Variants in C6orf136 observed in about 807,000 individuals in gnomAD.
C6orf136 encodes the protein uncharacterized protein C6orf136.
A neutral mutation model predicts 44.0 loss-of-function variants in C6orf136; 29 were observed. That is an observed-to-expected ratio of 0.66 (90% confidence interval 0.49 to 0.90). The LOEUF (loss-of-function observed/expected upper bound fraction) is 0.90, where lower values mean the gene tolerates loss of function less well. C6orf136 is among the 40% of genes least tolerant of loss of function. The pLI, the probability that C6orf136 is intolerant of heterozygous loss-of-function variation, is 0.00. For synonymous variants in C6orf136, 293 were observed against 278.6 expected (o/e 1.05, Z -0.52); for missense variants, 628 against 669.3 (o/e 0.94, Z 0.68).
chr6:30,648,416 T>G (rs1371058240), intron 1 of C6orf136, among the ~76,000 whole-genome samples: 2 of 149,978 alleles, frequency 1.3e-5, no homozygotes, highest in Non-Finnish European at 3.0e-5. Context: ...TTTTTTTTTT[T>G]GAAATGGAGT....
rs770814110 is a variant in C6orf136, at chr6:30,649,764, G to A, written c.822G>A (p.Glu274=). Residue 274 remains glutamate (E), a synonymous_variant, in exon 2 of 6, where the codon GAG becomes GAA. Coordinates refer to ENST00000651131, the MANE Select transcript of C6orf136 (RefSeq NM_001161376.2). ...WVVLPPGKGE[E]GPGPELHSGC... Reference sequence around the variant, plus strand: ...TTCTCCCTCCAGGAAAGGGGGAGGAGGGACCAGGACCTGAGTTGCATAGCG... The same window carrying A: ...TTCTCCCTCCAGGAAAGGGGGAGGAAGGACCAGGACCTGAGTTGCATAGCG... 5.0e-6 allele frequency: 8 copies of A among 1,613,914 alleles called. No individual in the cohort carries two copies. Among genetic ancestry groups the A allele is most frequent in the Non-Finnish European group, 5.9e-6 (7 of 1,179,998 alleles).
Position 30,649,800 on chromosome 6 carries a change from T to C in C6orf136, c.858T>C (p.Asp286=), listed in dbSNP as rs774535823. 6.2e-7 allele frequency: 1 copy of C among 1,614,136 alleles called. No homozygotes were observed. Among genetic ancestry groups the C allele is most frequent in the South Asian group, 1.1e-5 (1 of 91,080 alleles). The change falls in exon 2 of 6, where the codon GAT becomes GAC. Residue 286 remains aspartate (D), a synonymous_variant. Transcript: ENST00000651131. ...PGPELHSGCL[D]GLRSLFEGPP... Reference sequence around the variant, plus strand: ...CTGAGTTGCATAGCGGCTGCCTGGATGGGCTTAGAAGCCTTTTTGAGGGAC... The same window carrying C: ...CTGAGTTGCATAGCGGCTGCCTGGACGGGCTTAGAAGCCTTTTTGAGGGAC...
rs1766924678 is a variant in C6orf136 at position 30,647,334 on chromosome 6, G to C, written c.103G>C (p.Gly35Arg). The C allele has an allele frequency of 6.3e-7, 1 of 1,575,480 alleles. No individual in the cohort carries two copies. Among genetic ancestry groups the C allele is most frequent in the African/African-American group, 1.4e-5 (1 of 72,180 alleles). The change falls in exon 1 of 6, where the codon GGG becomes CGG. Residue 35 changes from glycine (G) to arginine (R), a missense_variant. Physicochemically the swap from Gly to Arg is moderately radical, Grantham distance 125 (BLOSUM62 -2). Transcript: ENST00000651131. This position sits in a 1 kb window ranked among gnomAD's most constrained non-coding sequence, Gnocchi z 4.8. Reference sequence around the variant, plus strand: ...CGGAGGAGAAGAGGGAGGGAGGAGAGGGGGCGGGGAGAGACCCTCCTCAAA... The same window carrying C: ...CGGAGGAGAAGAGGGAGGGAGGAGACGGGGCGGGGAGAGACCCTCCTCAAA... The part of the protein sequence containing the change: ...VSGGEEGGRR[G>R]GGERPSSKPV...
rs1767610837 is a variant in C6orf136, at chr6:30,653,151, G to A, written c.*236G>A. 1.4e-6 allele frequency: 2 copies of A among 1,441,804 alleles called. No individual in the cohort carries two copies. Among genetic ancestry groups the A allele is most frequent in the Admixed American group, 2.3e-5 (1 of 43,908 alleles). The allele number at this position is 1,441,804 out of a possible 1,614,324, so 89.3% of individuals were successfully genotyped here. ...CTCTAGATCCCAAATGTTCCCACAA[G>A]CTTTATTCCAAAAATAATTTTATTT... On this transcript the variant is annotated 3_prime_UTR_variant, in exon 6 of 6. Transcript: ENST00000651131.
In C6orf136 at chr6:30,647,165, C is replaced by T. The variant is rs370559893; in HGVS notation, c.-67C>T. Reference sequence around the variant, plus strand: ...CCCCTTCACGAAGCCGGCTCTGGGGCGCGCTCACCCCTGTGAGGAGGCCGG... The same window carrying T: ...CCCCTTCACGAAGCCGGCTCTGGGGTGCGCTCACCCCTGTGAGGAGGCCGG... On this transcript the variant is annotated 5_prime_UTR_variant, in exon 1 of 6. Coordinates refer to ENST00000651131, the MANE Select transcript of C6orf136 (RefSeq NM_001161376.2). This position sits in a 1 kb window ranked among gnomAD's most constrained non-coding sequence, Gnocchi z 4.8. The T allele has an allele frequency of 2.1e-5, 25 of 1,198,000 alleles. 2 individuals are homozygous for T. The African/African-American group carries it at 2.7e-4, about 13-fold the overall frequency. The allele number at this position is 1,198,000 out of a possible 1,614,324, so 74.2% of individuals were successfully genotyped here. A position where few individuals can be genotyped will look rare whatever the true frequency, so the allele number is the denominator to read the frequency against.
Position 30,649,790 on chromosome 6 carries a change from G to A in C6orf136, c.848G>A (p.Gly283Asp). Residue 283 changes from glycine to aspartate, a missense_variant, in exon 2 of 6, where the codon GGC becomes GAC. Gly to Asp is a moderately conservative substitution (Grantham distance 94). Coordinates refer to ENST00000651131, the MANE Select transcript of C6orf136 (RefSeq NM_001161376.2). ...EEGPGPELHSGCLDGLRSLFE... is the reference protein window; with the variant it reads ...EEGPGPELHSDCLDGLRSLFE... ...GGACCAGGACCTGAGTTGCATAGCG[G>A]CTGCCTGGATGGGCTTAGAAGCCTT... 6.2e-7 allele frequency: 1 copy of A among 1,614,108 alleles called. No individual in the cohort carries two copies.
intron 2 of C6orf136, 81 bp from the exon 3 acceptor site, chr6:30,650,913 A>G (rs1215862448): frequency 1.1e-6 from 1 of 878,592 alleles, no homozygotes; most frequent in East Asian, 3.2e-5. Flanking sequence ...CTCCGTCTCA[A>G]AAAAAAAAAA....
Position 30,651,296 on chromosome 6 carries a change from C to T in C6orf136, c.1137C>T (p.Thr379=). Residue 379 remains threonine, a synonymous_variant, in exon 4 of 6, where the codon ACC becomes ACT. Coordinates refer to ENST00000651131, the MANE Select transcript of C6orf136 (RefSeq NM_001161376.2). ...GGACATGGTACATTCTTTCACTGACCCTCTGCCGTTTCCTGGCCTGGAATT... is the reference window on the plus strand; with the variant it reads ...GGACATGGTACATTCTTTCACTGACTCTCTGCCGTTTCCTGGCCTGGAATT... ...KGRTWYILSL[T]LCRFLAWNYF... is the part of the protein sequence containing the mutation. 1.9e-6 allele frequency: 3 copies of T among 1,614,032 alleles called. No homozygotes were observed. Among genetic ancestry groups the T allele is most frequent in the Non-Finnish European group, 2.5e-6 (3 of 1,180,024 alleles).
chr6:30,651,109 C>A lies in C6orf136; in HGVS notation c.1106+27C>A, dbSNP rs377317868. On this transcript the variant is annotated intron_variant, in intron 3 of 5. Coordinates refer to ENST00000651131, the MANE Select transcript of C6orf136 (RefSeq NM_001161376.2). ...TGAGAATTGGGGCACAGGTAGGGCA[C>A]TGGGGAGGAAAAGCACCCAAAGGTA... 3.5e-5 allele frequency: 56 copies of A among 1,601,678 alleles called. No individual in the cohort carries two copies. In the African/African-American group the frequency reaches 7.0e-4, roughly 20 times the overall value.
intron 2 of C6orf136, 61 bp downstream of exon 2, chr6:30,650,020 G>A (rs2127569704): frequency 6.3e-6 from 9 of 1,429,848 alleles, no homozygotes; most frequent in South Asian, 1.2e-5. Context: ...ATCCTTGGAC[G>A]TACAGGGATA....
intron 1 of C6orf136, among the ~76,000 whole-genome samples, chr6:30,648,805 G>T (rs950090751): frequency 2.7e-5 from 4 of 146,482 alleles, no homozygotes; most frequent in Non-Finnish European, 4.5e-5. Context: ...TCAGGAGTTC[G>T]AGAACAGCCT....
intron 2 of C6orf136, 52 bp downstream of exon 2, chr6:30,650,011 T>C (rs1767260141): frequency 6.6e-7 from 1 of 1,517,350 alleles, no homozygotes; most frequent in African/African-American, 1.4e-5. Flanking sequence ...ATGTGGGTAA[T>C]CCTTGGACGT....
In C6orf136 at chr6:30,647,579, C is replaced by G; in HGVS notation, c.348C>G (p.Pro116=). 2.0e-6 allele frequency: 3 copies of G among 1,537,530 alleles called. No individual in the cohort carries two copies. Among genetic ancestry groups the G allele is most frequent in the Non-Finnish European group, 2.6e-6 (3 of 1,137,046 alleles). ...CAGCGGGGCGCGTCTGCGTTGCGCC[C>G]GACTCTCCGCGGTTACCTGTGCCTA... ...GQAAGRVCVA[P]DSPRLPVPRG... The change falls in exon 1 of 6, where the codon CCC becomes CCG. Residue 116 remains proline, a synonymous_variant. Coordinates refer to ENST00000651131, the MANE Select transcript of C6orf136 (RefSeq NM_001161376.2). The surrounding 1 kb of genome is among the most constrained non-coding windows in gnomAD (Gnocchi z 4.8).
Position 30,649,464 on chromosome 6 carries a change from G to A in C6orf136, c.616-94G>A, listed in dbSNP as rs1767198658. The A allele has an allele frequency of 1.1e-5, 12 of 1,092,972 alleles. No homozygotes were observed. The South Asian group carries it at 1.3e-4, about 12-fold the overall frequency. 67.7% of individuals were successfully genotyped at this position (1,092,972 alleles called of 1,614,324 possible). ...GTAATTCCATCCATTCTGTCAGGAG[G>A]AATAGGTATTGGAAGCCTGTTGAGC... On this transcript the variant is annotated intron_variant, in intron 1 of 5. Transcript: ENST00000651131.
intron 5 of C6orf136, 31 bp from the exon 6 acceptor site, chr6:30,652,771 C>T: frequency 6.2e-7 from 1 of 1,611,920 alleles, no homozygotes; most frequent in South Asian, 1.1e-5. Flanking sequence ...TGTGTGCCTC[C>T]CCCAACTGGC....
Position 30,647,431 on chromosome 6 carries a change from G to T in C6orf136, c.200G>T (p.Cys67Phe). The change falls in exon 1 of 6, where the codon TGT (cysteine) becomes TTT (phenylalanine). Residue 67 changes from cysteine (C) to phenylalanine (F), a missense_variant. By Grantham distance (205) the Cys-to-Phe change is radical. This residue lies in a region of C6orf136 where 497 missense variants were observed against 469.2 expected (regional missense o/e 1.06). Transcript: ENST00000651131. The surrounding 1 kb of genome is among the most constrained non-coding windows in gnomAD (Gnocchi z 4.8). Reference protein sequence around the residue: ...AQRHPPPLPTCALQRVDRLGV... With the variant: ...AQRHPPPLPTFALQRVDRLGV... Reference sequence around the variant, plus strand: ...AGACACCCGCCGCCCCTTCCCACCTGTGCCCTGCAGCGCGTGGACAGGCTA... The same window carrying T: ...AGACACCCGCCGCCCCTTCCCACCTTTGCCCTGCAGCGCGTGGACAGGCTA... The T allele has an allele frequency of 1.4e-6, 2 of 1,470,534 alleles. No homozygotes were observed. The highest frequency in any genetic ancestry group is 1.8e-6 in the Non-Finnish European group (2 of 1,107,574). The allele number at this position is 1,470,534 out of a possible 1,614,324, so 91.1% of individuals were successfully genotyped here.
rs774277510 is a variant in C6orf136, at chr6:30,649,954, C to CA, written c.1014dup (p.Glu339ArgfsTer24). The CA allele has an allele frequency of 6.2e-7, 1 of 1,612,804 alleles. No homozygotes were observed. Among genetic ancestry groups the CA allele is most frequent in the South Asian group, 1.1e-5 (1 of 91,050 alleles). On this transcript the variant is annotated frameshift_variant, in exon 2 of 6. Coordinates refer to ENST00000651131, the MANE Select transcript of C6orf136 (RefSeq NM_001161376.2). LOFTEE classifies it high-confidence loss of function. ...GTCTGTCATGTATGAGAGACTGAGACAAGAGGTAAGTCAGTGCAAAAGTGG... is the reference window on the plus strand; with the variant it reads ...GTCTGTCATGTATGAGAGACTGAGACAAAGAGGTAAGTCAGTGCAAAAGTGG...
intron 2 of C6orf136, among the ~76,000 whole-genome samples, chr6:30,650,481 G>A (rs1231053001): frequency 6.6e-6 from 1 of 151,872 alleles, no homozygotes; most frequent in Non-Finnish European, 1.5e-5. Context: ...TGGGAGTAAG[G>A]AGGCCTTAAA....
chr6:30,650,875 G>A (rs903048381), intron 2 of C6orf136, 119 bp from the exon 3 acceptor site: 2 of 701,666 alleles, frequency 2.9e-6, no homozygotes, highest in Non-Finnish European at 4.9e-6. Flanking sequence ...TTGTACCTCT[G>A]TACTCCAGCC....
Sources: allele counts gnomAD v4.1 joint callset (sites outside exome capture counted in the v4.1 genomes callset), GRCh38; gene constraint gnomAD v4.1.1; regional missense constraint gnomAD v4.1.1; non-coding constraint Gnocchi (gnomAD v3.1); transcripts MANE v1.5; gene names NCBI Gene and HGNC (gene_info 2026-07-23, HGNC 2026-07-21).